The following GNL2 variants were observed in gnomAD, a reference collection of about 807,000 sequenced individuals.
The protein encoded by GNL2 is nucleolar GTP-binding protein 2.
GNL2 carries 51 observed loss-of-function variants against 92.3 expected under a neutral mutation model. That is an observed-to-expected ratio of 0.55 (90% CI 0.44 to 0.70). The LOEUF is 0.70. Ranked by LOEUF, GNL2 falls within the 30% of genes least tolerant of loss-of-function variation. GNL2 has a pLI of 0.00. For missense variants in GNL2, 844 were observed against 895.6 expected (o/e 0.94, Z 0.74); for synonymous variants, 283 against 300.6 (o/e 0.94, Z 0.61).
chr1:37,581,561 A>C (rs1204292592), intron 8 of GNL2: 1 of 455,858 alleles, frequency 2.2e-6, no homozygotes, highest in African/African-American at 2.0e-5. Context: ...GCAGAAATGG[A>C]AGCAACACTG....
intron 8 of GNL2, among the ~76,000 whole-genome samples, chr1:37,578,006 C>T (rs1194254245): frequency 1.3e-5 from 2 of 152,210 alleles, no homozygotes; most frequent in African/African-American, 4.8e-5. Context: ...ACTATTCCCA[C>T]TGAGTTCCCA....
Position 37,582,215 on chromosome 1 carries a change from C to A in GNL2, c.909+8G>T. 2 of 1,570,868 alleles carry A rather than the reference C, an allele frequency of 1.3e-6. No individual in the cohort carries two copies. The highest frequency in any genetic ancestry group is 1.7e-5 in the Admixed American group (1 of 58,974). ...CAACTCCAGGAGAAACAGATCAGGG[C>A]TCAATACCTTTCCAAACTGCCGCAG... is the stretch of plus-strand genomic sequence containing the variant. On this transcript the variant is annotated splice_region_variant and intron_variant, in intron 8 of 15. Coordinates refer to ENST00000373062, the MANE Select transcript of GNL2 (RefSeq NM_013285.3).
rs571492684 is a variant in GNL2 at position 37,580,664 on chromosome 1, G to A, written c.909+1559C>T. Among the ~76,000 whole-genome samples the A allele has an allele frequency of 5.9e-5, 9 of 152,290 alleles. No individual in the cohort carries two copies. In the South Asian group the frequency reaches 8.3e-4, roughly 14 times the overall value. Reference sequence around the variant, plus strand: ...ACGACGCTGCAGCAGCCTGGAGAGCGGCCAGCCCTGCGGAGGACGGAGTGC... The same window carrying A: ...ACGACGCTGCAGCAGCCTGGAGAGCAGCCAGCCCTGCGGAGGACGGAGTGC... On this transcript the variant is annotated intron_variant, in intron 8 of 15. Transcript: ENST00000373062.
Position 37,575,473 on chromosome 1 carries a change from A to G in GNL2, c.1143+122T>C. ...CTGCTGTTCAGCATCATGTTCCTAA[A>G]GTTTGGTCAGACAGGCTGACCCCAA... On this transcript the variant is annotated intron_variant, in intron 10 of 15. Coordinates refer to ENST00000373062, the MANE Select transcript of GNL2 (RefSeq NM_013285.3). The surrounding 1 kb of genome is among the most constrained non-coding windows in gnomAD (Gnocchi z 4.1). The G allele has an allele frequency of 1.7e-6, 1 of 572,698 alleles. No individual in the cohort carries two copies. The highest frequency in any genetic ancestry group is 3.1e-6 in the Non-Finnish European group (1 of 320,340). The allele number at this position is 572,698 out of a possible 1,614,324, so 35.5% of individuals were successfully genotyped here.
chr1:37,568,075 T>A, intron 14 of GNL2, 200 bp downstream of exon 14: 1 of 595,594 alleles, frequency 1.7e-6, no homozygotes. Flanking sequence ...GTTTCCTGAA[T>A]TGCCAATTTA....
At chr1:37,584,616 G>C (rs1413077923) in intron 5 of GNL2, among the ~76,000 whole-genome samples, 1 of 152,144 alleles carries the variant, frequency 6.6e-6, no homozygotes, top group Non-Finnish European at 1.5e-5. Flanking sequence ...AAATTCATGA[G>C]AGAGAAAGTA....
At chr1:37,567,533 C>G (rs1327496042) in intron 15 of GNL2, 140 bp downstream of exon 15, 2 of 678,534 alleles carry the variant, frequency 2.9e-6, no homozygotes, top group Admixed American at 2.4e-5. Flanking sequence ...CCAGACCCGA[C>G]CCTATTTATC....
intron 8 of GNL2, chr1:37,581,625 T>G (rs72659408): frequency 0.058 from 23,613 of 408,716 alleles, 882 homozygotes; most frequent in Non-Finnish European, 0.082. Context: ...TCTCTTATAA[T>G]CCTGATGCTC....
At chr1:37,582,672 C>T in intron 7 of GNL2, 106 bp downstream of exon 7, 2 of 957,590 alleles carry the variant, frequency 2.1e-6, no homozygotes, top group Non-Finnish European at 3.1e-6. Context: ...TGAGAGCACT[C>T]CCATTACTAC....
chr1:37,584,023 A>T, intron 5 of GNL2, 90 bp from the exon 6 acceptor site: 1 of 791,200 alleles, frequency 1.3e-6, no homozygotes, highest in Non-Finnish European at 2.2e-6. Context: ...CAAAAAAAAC[A>T]GTATCAAACC....
At position 37,582,175 on chromosome 1, in the gene GNL2, C is replaced by G. The variant is rs547820566; in HGVS notation, c.909+48G>C. On this transcript the variant is annotated intron_variant, in intron 8 of 15. Coordinates refer to ENST00000373062, the MANE Select transcript of GNL2 (RefSeq NM_013285.3). Reference sequence around the variant, plus strand: ...GCCATGGCAAGACAGATTCTTATACCAACTCACAGCTACACAACTCCAGGA... The same window carrying G: ...GCCATGGCAAGACAGATTCTTATACGAACTCACAGCTACACAACTCCAGGA... The G allele has an allele frequency of 6.4e-6, 8 of 1,248,504 alleles. No individual in the cohort carries two copies. The Admixed American group carries it at 1.7e-4, about 26-fold the overall frequency. The allele number at this position is 1,248,504 out of a possible 1,614,324, so 77.3% of individuals were successfully genotyped here.
intron 1 of GNL2, 108 bp downstream of exon 1, chr1:37,595,651 A>C: frequency 2.2e-6 from 2 of 912,662 alleles, no homozygotes; most frequent in East Asian, 2.6e-5. Flanking sequence ...GCTCGTAGTC[A>C]TTCTAAGCAA....
chr1:37,583,949 C>T lies in GNL2; in HGVS notation c.570-16G>A. 1.4e-6 allele frequency: 2 copies of T among 1,421,584 alleles called. No individual in the cohort carries two copies. Among genetic ancestry groups the T allele is most frequent in the Middle Eastern group, 3.5e-4 (2 of 5,718 alleles). The allele number at this position is 1,421,584 out of a possible 1,614,324, so 88.1% of individuals were successfully genotyped here. A position where few individuals can be genotyped will look rare whatever the true frequency, so the allele number is the denominator to read the frequency against. ...AGCTTCATTTCTAAATAAGAAAGCACCCCAAATGAGCAACTGAAGCACCAT... is the reference window on the plus strand; with the variant it reads ...AGCTTCATTTCTAAATAAGAAAGCATCCCAAATGAGCAACTGAAGCACCAT... On this transcript the variant is annotated splice_polypyrimidine_tract_variant and intron_variant, in intron 5 of 15. Transcript: ENST00000373062.
chr1:37,578,058 T>C (rs1643706008), intron 8 of GNL2, among the ~76,000 whole-genome samples: 1 of 152,166 alleles, frequency 6.6e-6, no homozygotes, highest in Admixed American at 6.5e-5. Flanking sequence ...GAGCTAGAGA[T>C]TGAAAGATTC....
At chr1:37,573,265 G>A (rs1287618634) in intron 12 of GNL2, among the ~76,000 whole-genome samples, 1 of 152,220 alleles carries the variant, frequency 6.6e-6, no homozygotes, top group African/African-American at 2.4e-5. Flanking sequence ...ATACCTAGCT[G>A]CAACTGCAAC....
intron 2 of GNL2, chr1:37,593,453 T>C: frequency 3.5e-6 from 1 of 286,068 alleles, no homozygotes; most frequent in Non-Finnish European, 6.5e-6. Flanking sequence ...TACAGTCCTG[T>C]AGGTTTTGTT....
chr1:37,575,720 G>C lies in GNL2; in HGVS notation c.1039-21C>G. ...CAGACCTGAAGTCAGAAAAAAGTCA[G>C]AGATGTCCTGTATCAAACACTAAGA... On this transcript the variant is annotated intron_variant, in intron 9 of 15. Transcript: ENST00000373062. The surrounding 1 kb of genome is among the most constrained non-coding windows in gnomAD (Gnocchi z 4.1). The C allele has an allele frequency of 6.9e-7, 1 of 1,443,090 alleles. No homozygotes were observed. Among genetic ancestry groups the C allele is most frequent in the South Asian group, 1.2e-5 (1 of 83,696 alleles). 89.4% of individuals were successfully genotyped at this position (1,443,090 alleles called of 1,614,324 possible). A position where few individuals can be genotyped will look rare whatever the true frequency, so the allele number is the denominator to read the frequency against.
chr1:37,569,584 A>C, intron 12 of GNL2: 1 of 343,156 alleles, frequency 2.9e-6, no homozygotes. Context: ...ATAGAAAAGC[A>C]AGGCTCCCTA....
At chr1:37,590,648 G>A in intron 4 of GNL2, 58 bp downstream of exon 4, 1 of 1,362,036 alleles carries the variant, frequency 7.3e-7, no homozygotes, top group East Asian at 2.3e-5. Flanking sequence ...ATGTTAGAGA[G>A]GGATCTGCAT....
Sources: gnomAD v4.1 joint callset for allele counts (sites outside exome capture counted in the v4.1 genomes callset) on GRCh38, gnomAD v4.1.1 for gene constraint, Gnocchi (gnomAD v3.1) non-coding constraint, MANE v1.5 for transcripts, NCBI Gene and HGNC (gene_info 2026-07-23, HGNC 2026-07-21) for gene names.